Variants in GAB2 observed in about 807,000 individuals in gnomAD.
GAB2 encodes the protein GRB2-associated-binding protein 2.
Under a neutral mutation model 65.5 loss-of-function variants are expected in GAB2, and 26 were observed. That is an observed-to-expected ratio of 0.40 (90% CI 0.29 to 0.55). GAB2 has a LOEUF of 0.55. Among genes scored for constraint, GAB2 ranks in the 20% least tolerant of loss-of-function variants. The pLI, the probability that GAB2 is intolerant of heterozygous loss-of-function variation, is 0.53. For synonymous variants in GAB2, 321 were observed against 329.6 expected (o/e 0.97, Z 0.28); for missense variants, 884 against 875.8 (o/e 1.01, Z -0.12).
intron 1 of GAB2, among the ~76,000 whole-genome samples, chr11:78,374,915 C>G (rs1459683916): frequency 1.3e-5 from 2 of 152,170 alleles, no homozygotes; most frequent in African/African-American, 2.4e-5. Flanking sequence ...AAATCAAGAA[C>G]AGCATCAAGT....
At chr11:78,336,806 G>T (rs546373439) in intron 1 of GAB2, among the ~76,000 whole-genome samples, 86 of 152,194 alleles carry the variant, frequency 5.7e-4, no homozygotes, top group African/African-American at 2.0e-3. Context: ...TGGCCAAAGG[G>T]TATGAGAAAA....
chr11:78,231,010 G>C (rs1386837484), intron 3 of GAB2, among the ~76,000 whole-genome samples: 1 of 152,230 alleles, frequency 6.6e-6, no homozygotes, highest in African/African-American at 2.4e-5. Flanking sequence ...GCTTACAGAA[G>C]CCTTATAAAA....
At chr11:78,381,975 C>T (rs1856703436) in intron 1 of GAB2, among the ~76,000 whole-genome samples, 1 of 152,230 alleles carries the variant, frequency 6.6e-6, no homozygotes, top group Non-Finnish European at 1.5e-5. Context: ...GCTAATCCCA[C>T]CACTTCTCAT....
intron 3 of GAB2, among the ~76,000 whole-genome samples, chr11:78,241,808 T>C (rs188904794): frequency 1.1e-4 from 16 of 152,342 alleles, no homozygotes; most frequent in African/African-American, 3.4e-4. Flanking sequence ...GCAAGACTTA[T>C]GGAACACCAT....
At chr11:78,309,464 C>CTT (rs5792803) in intron 1 of GAB2, among the ~76,000 whole-genome samples, 283 of 137,432 alleles carry the variant, frequency 2.1e-3, no homozygotes, top group African/African-American at 7.4e-3. Context: ...TGCCCCCTGC[C>CTT]TTTTTTTTTT....
In GAB2 at chr11:78,271,716, G is replaced by A. The variant is rs190969991; in HGVS notation, c.376+8885C>T. Among the ~76,000 whole-genome samples the A allele has an allele frequency of 3.0e-3, 455 of 152,296 alleles. 4 individuals carry two copies. The highest frequency in any genetic ancestry group is 9.5e-3 in the African/African-American group (396 of 41,548). ...CAACTCTTTAAAAAAAAGGTAGTCA[G>A]GCACAGTGGTTCATACTTGTAATCC... On this transcript the variant is annotated intron_variant, in intron 2 of 9. Transcript: ENST00000361507.
chr11:78,248,866 C>T lies in GAB2; in HGVS notation c.620+1291G>A, dbSNP rs550137681. 4.0e-4 allele frequency among the ~76,000 whole-genome samples: 61 copies of T among 152,088 alleles called. 1 individual carries two copies. Among genetic ancestry groups the T allele is most frequent in the East Asian group, 1.2e-3 (6 of 5,184 alleles). ...CACTGCCTATCTCTGGTTAGTGATT[C>T]GGGAGAATCAGGTACTATTTACAGT... On this transcript the variant is annotated intron_variant, in intron 3 of 9. Coordinates refer to ENST00000361507, the MANE Select transcript of GAB2 (RefSeq NM_080491.3).
Position 78,222,184 on chromosome 11 carries a change from G to A in GAB2, c.1579C>T (p.Pro527Ser), listed in dbSNP as rs1243392986. The change falls in exon 7 of 10, where the codon CCA (proline) becomes TCA (serine). Residue 527 changes from proline (P) to serine (S), a missense_variant. By Grantham distance (74) the Pro-to-Ser change is moderately conservative. Coordinates refer to ENST00000361507, the MANE Select transcript of GAB2 (RefSeq NM_080491.3). ...ACGGTGTTGTTCCTCAGGTCAAGTG[G>A]TGTTGGCTTTGCTGGAGCAGGAAAA... is the stretch of plus-strand genomic sequence containing the variant. ...LKPDRKAKPT[P>S]LDLRNNTVID... 2.5e-6 allele frequency: 4 copies of A among 1,613,030 alleles called. No individual in the cohort carries two copies. In the African/African-American group the frequency reaches 4.0e-5, roughly 16 times the overall value.
At chr11:78,296,033 T>C in intron 1 of GAB2, among the ~76,000 whole-genome samples, 1 of 151,474 alleles carries the variant, frequency 6.6e-6, no homozygotes, top group African/African-American at 2.4e-5. Flanking sequence ...CCACTTCAGA[T>C]CATCAGGCAT....
At chr11:78,357,333 C>T (rs148528299) in intron 1 of GAB2, among the ~76,000 whole-genome samples, 106 of 152,246 alleles carry the variant, frequency 7.0e-4, no homozygotes, top group African/African-American at 2.3e-3. Context: ...CATAAAAAAA[C>T]TGACCTGTCT....
At chr11:78,315,893 G>T (rs891086384) in intron 1 of GAB2, among the ~76,000 whole-genome samples, 1 of 152,152 alleles carries the variant, frequency 6.6e-6, no homozygotes, top group African/African-American at 2.4e-5. Flanking sequence ...GTTGACATTT[G>T]AGTCAGTGTA....
At chr11:78,233,001 A>G (rs1864886768) in intron 3 of GAB2, among the ~76,000 whole-genome samples, 1 of 151,590 alleles carries the variant, frequency 6.6e-6, no homozygotes, top group Admixed American at 6.6e-5. Flanking sequence ...CACAGGATTA[A>G]AGTCTATTCA....
chr11:78,346,021 T>A (rs1279698504), intron 1 of GAB2, among the ~76,000 whole-genome samples: 1 of 152,222 alleles, frequency 6.6e-6, no homozygotes, highest in Non-Finnish European at 1.5e-5. Context: ...TTCCTAAGTC[T>A]CACTGTTGCC....
intron 1 of GAB2, among the ~76,000 whole-genome samples, chr11:78,415,807 T>C (rs1050726066): frequency 3.3e-5 from 5 of 152,210 alleles, no homozygotes; most frequent in Non-Finnish European, 5.9e-5. Flanking sequence ...AAATGGGTCA[T>C]AGAGTCTGGG....
intron 2 of GAB2, 52 bp from the exon 3 acceptor site, chr11:78,250,452 A>T (rs1204798287): frequency 5.9e-6 from 9 of 1,532,218 alleles, no homozygotes; most frequent in Non-Finnish European, 8.1e-6. Flanking sequence ...ATGTATCCTT[A>T]TCCCAAAGTG....
intron 3 of GAB2, among the ~76,000 whole-genome samples, chr11:78,233,133 G>A (rs746524986): frequency 6.8e-6 from 1 of 147,478 alleles, no homozygotes; most frequent in Non-Finnish European, 1.5e-5. Flanking sequence ...TCCGCCTCCT[G>A]GGCTCAAGCC....
At chr11:78,289,323 C>T (rs1866583656) in intron 1 of GAB2, among the ~76,000 whole-genome samples, 1 of 152,160 alleles carries the variant, frequency 6.6e-6, no homozygotes, top group Admixed American at 6.5e-5. Flanking sequence ...GAGTAAAGAC[C>T]TTAATCTAAG....
chr11:78,402,590 G>A (rs1045306862), intron 1 of GAB2, among the ~76,000 whole-genome samples: 1 of 139,118 alleles, frequency 7.2e-6, no homozygotes, highest in Admixed American at 7.6e-5. Flanking sequence ...CCAGTAGCTG[G>A]GATTACAGGC....
At chr11:78,370,484 C>G (rs115021870) in intron 1 of GAB2, among the ~76,000 whole-genome samples, 2 of 152,048 alleles carry the variant, frequency 1.3e-5, no homozygotes, top group South Asian at 2.1e-4. Context: ...TACTATTGTG[C>G]CCAGGTTCTA....
Sources: allele counts gnomAD v4.1 joint callset (sites outside exome capture counted in the v4.1 genomes callset), GRCh38; gene constraint gnomAD v4.1.1; transcripts MANE v1.5; gene names NCBI Gene and HGNC (gene_info 2026-07-23, HGNC 2026-07-21).